Variants in TAX1BP1 observed in about 807,000 individuals in gnomAD.
TAX1BP1 encodes the protein Tax1 binding protein 1.
TAX1BP1 carries 62 observed loss-of-function variants against 97.7 expected under a neutral mutation model. The observed-to-expected ratio is 0.63, with a 90% confidence interval of 0.52 to 0.78. The LOEUF (loss-of-function observed/expected upper bound fraction) is 0.78, where lower values mean the gene tolerates loss of function less well. TAX1BP1 is among the 30% of genes least tolerant of loss of function. The probability of loss-of-function intolerance (pLI) is 0.00; values close to 1 mark genes in which losing one functional copy is unlikely to be tolerated. For synonymous variants in TAX1BP1, 340 were observed against 304.2 expected (o/e 1.12, Z -1.23); for missense variants, 867 against 916.1 (o/e 0.95, Z 0.69).
intron 2 of TAX1BP1, among the ~76,000 whole-genome samples, chr7:27,755,569 C>A (rs184644247): frequency 6.6e-6 from 1 of 152,190 alleles, no homozygotes; most frequent in Admixed American, 6.5e-5. Flanking sequence ...AAAACTTATC[C>A]AACATGTTTT....
At chr7:27,805,693 C>T (rs1790310760) in intron 13 of TAX1BP1, among the ~76,000 whole-genome samples, 1 of 152,092 alleles carries the variant, frequency 6.6e-6, no homozygotes, top group Non-Finnish European at 1.5e-5. Flanking sequence ...AAAAATTAGC[C>T]AGGCATGGTG....
Position 27,796,195 on chromosome 7 carries a change from TAATA to T in TAX1BP1, c.1618_1621del (p.Lys540ValfsTer24). On this transcript the variant is annotated frameshift_variant, in exon 12 of 17. Transcript: ENST00000396319. LOFTEE classifies it high-confidence loss of function. ...AAATTGCTGACAAAACAGAAAAGTA[TAATA>T]AATGTAAACAACTCTTGCAGGTAAG... The T allele has an allele frequency of 6.3e-7, 1 of 1,589,120 alleles. No individual in the cohort carries two copies. Among genetic ancestry groups the T allele is most frequent in the Non-Finnish European group, 8.5e-7 (1 of 1,173,208 alleles).
chr7:27,803,199 A>G lies in TAX1BP1; in HGVS notation c.1764+3109A>G, dbSNP rs952437435. The stretch of plus-strand genomic sequence containing the variant: ...GGAGAAGGTATTGAGCAATGTAGTT[A>G]AACAAATGTGTATCACATGAAACTG... On this transcript the variant is annotated intron_variant, in intron 13 of 16. Coordinates refer to ENST00000396319, the MANE Select transcript of TAX1BP1 (RefSeq NM_006024.7). 8.6e-6 allele frequency: 13 copies of G among 1,509,974 alleles called. No homozygotes were observed. The African/African-American group carries it at 1.5e-4, about 18-fold the overall frequency. The allele number at this position is 1,509,974 out of a possible 1,614,324, so 93.5% of individuals were successfully genotyped here.
intron 10 of TAX1BP1, 67 bp from the exon 11 acceptor site, chr7:27,794,256 G>A (rs1157872682): frequency 4.5e-6 from 6 of 1,325,578 alleles, no homozygotes; most frequent in Non-Finnish European, 6.2e-6. Flanking sequence ...TATTTACTTA[G>A]TTACTGCAAG....
Position 27,785,459 on chromosome 7 carries a change from G to T in TAX1BP1, c.822G>T (p.Lys274Asn). Residue 274 changes from lysine to asparagine, a missense_variant, in exon 7 of 17, where the codon AAG becomes AAT. Transcript: ENST00000396319. ...GAGAACAACTTGAATGTCAGTTGAA[G>T]ACAGAGAAGGATGAAAAGGAACTTT... ...HEREQLECQL[K>N]TEKDEKELYK... The T allele has an allele frequency of 6.2e-7, 1 of 1,612,958 alleles. No individual in the cohort carries two copies.
chr7:27,753,260 A>G (rs1389498367), intron 2 of TAX1BP1, among the ~76,000 whole-genome samples: 1 of 152,130 alleles, frequency 6.6e-6, no homozygotes, highest in East Asian at 1.9e-4. Context: ...AGATTGTACC[A>G]CTGCACTCCA....
chr7:27,799,683 A>G (rs1195860668), intron 12 of TAX1BP1, among the ~76,000 whole-genome samples: 1 of 152,176 alleles, frequency 6.6e-6, no homozygotes, highest in Non-Finnish European at 1.5e-5. Context: ...AAAATGGATT[A>G]TATATTCTAT....
chr7:27,772,656 A>G (rs1165555233), intron 5 of TAX1BP1: 1 of 152,068 alleles, frequency 6.6e-6, no homozygotes, highest in African/African-American at 2.4e-5. Context: ...TTAAAACTAA[A>G]TGAAATTCTG....
At chr7:27,818,289 G>A (rs2128325444) in intron 15 of TAX1BP1, among the ~76,000 whole-genome samples, 1 of 152,124 alleles carries the variant, frequency 6.6e-6, no homozygotes, top group East Asian at 1.9e-4. Context: ...ATGAGATGGA[G>A]GACTCTTAAT....
rs559598071 is a variant in TAX1BP1, at chr7:27,764,266, C to T, written c.266-1568C>T. 2.0e-5 allele frequency among the ~76,000 whole-genome samples: 3 copies of T among 152,102 alleles called. No individual in the cohort carries two copies. In the East Asian group the frequency reaches 5.8e-4, roughly 29 times the overall value. On this transcript the variant is annotated intron_variant, in intron 3 of 16. Coordinates refer to ENST00000396319, the MANE Select transcript of TAX1BP1 (RefSeq NM_006024.7). ...TTAATTCCTCTTTGTATTTAATTGTCATGTTGTCTTAGTCTCCTTGGTTTC... is the reference window on the plus strand; with the variant it reads ...TTAATTCCTCTTTGTATTTAATTGTTATGTTGTCTTAGTCTCCTTGGTTTC...
intron 3 of TAX1BP1, among the ~76,000 whole-genome samples, chr7:27,760,790 T>G (rs562756696): frequency 1.1e-3 from 163 of 152,332 alleles, no homozygotes; most frequent in African/African-American, 3.7e-3. Context: ...CAGCATAACT[T>G]GGAGCCTATG....
Position 27,828,633 on chromosome 7 carries a change from A to G in TAX1BP1, c.2174A>G (p.Asp725Gly). The G allele has an allele frequency of 6.2e-7, 1 of 1,613,536 alleles. No homozygotes were observed. Among genetic ancestry groups the G allele is most frequent in the Non-Finnish European group, 8.5e-7 (1 of 1,179,684 alleles). Residue 725 changes from aspartate (D) to glycine (G), a missense_variant, in exon 17 of 17, where the codon GAT becomes GGT. Transcript: ENST00000396319. ...CTTTCATTTTTCTCTTTAAGCTTTG[A>G]TGTTCACAAGAAGTGTCCCCTCTGT... is the stretch of plus-strand genomic sequence containing the variant. Reference protein sequence around the residue: ...GTGFCFDSSFDVHKKCPLCEL... With the variant: ...GTGFCFDSSFGVHKKCPLCEL...
At chr7:27,748,369 TAAG>T in intron 1 of TAX1BP1, 146 bp from the exon 2 acceptor site, 1 of 517,680 alleles carries the variant, frequency 1.9e-6, no homozygotes, top group Non-Finnish European at 3.0e-6. Context: ...AATCAATTTT[TAAG>T]AAGTTCCAGT....
chr7:27,748,824 G>A (rs1260635756), intron 2 of TAX1BP1, 138 bp downstream of exon 2: 1 of 556,992 alleles, frequency 1.8e-6, no homozygotes. Context: ...ATATTTAACA[G>A]TGGGGAGTAG....
intron 5 of TAX1BP1, among the ~76,000 whole-genome samples, chr7:27,784,616 A>T (rs1789397765): frequency 6.6e-6 from 1 of 151,888 alleles, no homozygotes; most frequent in Non-Finnish European, 1.5e-5. Flanking sequence ...TTTTTTTCTC[A>T]TTTTTCTTGC....
intron 8 of TAX1BP1, among the ~76,000 whole-genome samples, chr7:27,790,621 T>C (rs996895349): frequency 6.6e-6 from 1 of 152,090 alleles, no homozygotes; most frequent in Non-Finnish European, 1.5e-5. Context: ...TGATTTTTCA[T>C]TATTTTAGTA....
chr7:27,766,105 TTA>T (rs1325412435), intron 4 of TAX1BP1, 84 bp downstream of exon 4: 2 of 1,403,988 alleles, frequency 1.4e-6, no homozygotes, highest in East Asian at 4.9e-5. Context: ...AATTTTAAGG[TTA>T]TGTGAGAGTT....
chr7:27,791,162 C>T (rs925644207), intron 8 of TAX1BP1, among the ~76,000 whole-genome samples: 3 of 151,884 alleles, frequency 2.0e-5, no homozygotes, highest in African/African-American at 4.8e-5. Flanking sequence ...GTGATGCCTC[C>T]GAAGATTTTG....
intron 15 of TAX1BP1, among the ~76,000 whole-genome samples, chr7:27,820,461 G>A (rs1264269056): frequency 6.6e-6 from 1 of 152,058 alleles, no homozygotes; most frequent in African/African-American, 2.4e-5. Context: ...ATGTTGCACT[G>A]TTTGAGTTTT....
Sources: allele counts gnomAD v4.1 joint callset (sites outside exome capture counted in the v4.1 genomes callset), GRCh38; gene constraint gnomAD v4.1.1; transcripts MANE v1.5; gene names NCBI Gene and HGNC (gene_info 2026-07-23, HGNC 2026-07-21).